IRAG1: variants seen among roughly 807,000 people sequenced by gnomAD.
The protein encoded by IRAG1 is IP3R-associated cGMP kinase substrate.
In IRAG1, 62 loss-of-function variants were observed where a neutral mutation model predicts 106.2. The ratio of observed to expected loss-of-function variants is 0.58; its 90% CI spans 0.48 to 0.72. The LOEUF is 0.72. Among genes scored for constraint, IRAG1 ranks in the 30% least tolerant of loss-of-function variants. The pLI is 0.00. For missense variants in IRAG1, 1,064 were observed against 1,140.7 expected (o/e 0.93, Z 0.97); for synonymous variants, 462 against 443.9 (o/e 1.04, Z -0.51).
At chr11:10,613,015 T>A (rs939140088) in intron 10 of IRAG1, among the ~76,000 whole-genome samples, 1 of 151,990 alleles carries the variant, frequency 6.6e-6, no homozygotes, top group African/African-American at 2.4e-5. Context: ...GATTGAGTAA[T>A]CATAACGAAT....
rs1444781519 is a variant in IRAG1, at chr11:10,652,109, G to C, written c.141C>G (p.Ser47=). 4.3e-6 allele frequency: 7 copies of C among 1,610,156 alleles called. No homozygotes were observed. The highest frequency in any genetic ancestry group is 5.9e-6 in the Non-Finnish European group (7 of 1,178,522). ...TGTGGGGCATGGCAGCCTCCTGCTG[G>C]GAGTGGCCACGTGTGCCCGGAACCT... The part of the protein sequence containing the change: ...AAEVPGTRGH[S]QQEAAMPHIP... The change falls in exon 2 of 21, where the codon TCC becomes TCG. Residue 47 remains serine (S), a synonymous_variant. Coordinates refer to ENST00000423302, the MANE Select transcript of IRAG1 (RefSeq NM_130385.4).
chr11:10,582,868 A>G (rs1201277218), intron 18 of IRAG1, among the ~76,000 whole-genome samples: 2 of 152,196 alleles, frequency 1.3e-5, no homozygotes, highest in Non-Finnish European at 2.9e-5. Context: ...AGGCAAGAGA[A>G]TCGCTTGAGC....
intron 9 of IRAG1, among the ~76,000 whole-genome samples, chr11:10,625,443 G>A (rs575477018): frequency 6.6e-6 from 1 of 152,326 alleles, no homozygotes; most frequent in South Asian, 2.1e-4. Flanking sequence ...GGGACACCAT[G>A]GGCACTGGAA....
At chr11:10,690,403 A>G in intron 1 of IRAG1, 5 of 1,286,488 alleles carry the variant, frequency 3.9e-6, no homozygotes, top group Non-Finnish European at 5.1e-6. Context: ...TGTCCGACCA[A>G]CTGTCCTCTG....
intron 18 of IRAG1, among the ~76,000 whole-genome samples, chr11:10,588,353 TG>T (rs1376351224): frequency 1.3e-5 from 2 of 152,134 alleles, no homozygotes; most frequent in Admixed American, 6.5e-5. Flanking sequence ...TTTTTTTTTT[TG>T]TTTTTTGAGA....
At chr11:10,631,928 G>T in intron 4 of IRAG1, 63 bp downstream of exon 4, 1 of 1,430,238 alleles carries the variant, frequency 7.0e-7, no homozygotes, top group South Asian at 1.2e-5. Flanking sequence ...AAGGAGTCAA[G>T]CCCAGCCACG....
intron 15 of IRAG1, among the ~76,000 whole-genome samples, chr11:10,598,198 G>A (rs1853548700): frequency 6.6e-6 from 1 of 152,218 alleles, no homozygotes; most frequent in Non-Finnish European, 1.5e-5. Context: ...AAGTGCAAAA[G>A]CTCAGCTCCC....
chr11:10,645,442 C>T (rs1857866010), intron 2 of IRAG1, among the ~76,000 whole-genome samples: 1 of 152,250 alleles, frequency 6.6e-6, no homozygotes, highest in Non-Finnish European at 1.5e-5. Flanking sequence ...ATAGTCATCA[C>T]TACCATGTAC....
chr11:10,633,841 C>A, intron 3 of IRAG1, 127 bp downstream of exon 3: 2 of 525,284 alleles, frequency 3.8e-6, no homozygotes, highest in South Asian at 8.5e-5. Flanking sequence ...TGAAAAACTG[C>A]TTGATTATAG....
intron 2 of IRAG1, among the ~76,000 whole-genome samples, chr11:10,635,186 T>C (rs940764147): frequency 3.3e-5 from 5 of 152,166 alleles, no homozygotes; most frequent in African/African-American, 7.2e-5. Flanking sequence ...GACATTTCAG[T>C]GATCGTAATT....
intron 10 of IRAG1, among the ~76,000 whole-genome samples, chr11:10,614,461 C>T (rs780300197): frequency 2.0e-5 from 3 of 152,064 alleles, no homozygotes; most frequent in Non-Finnish European, 2.9e-5. Flanking sequence ...CATGTGGAAC[C>T]GAAAAAGAGC....
chr11:10,603,467 A>G (rs1854205134), intron 13 of IRAG1, among the ~76,000 whole-genome samples: 1 of 152,100 alleles, frequency 6.6e-6, no homozygotes, highest in African/African-American at 2.4e-5. Flanking sequence ...ACAGTTTACA[A>G]TAGGGTTCGT....
chr11:10,626,170 CG>C lies in IRAG1; in HGVS notation c.1163del (p.Pro388ArgfsTer64). 6.5e-7 allele frequency: 1 copy of C among 1,542,742 alleles called. No homozygotes were observed. The highest frequency in any genetic ancestry group is 8.7e-7 in the Non-Finnish European group (1 of 1,144,172). On this transcript the variant is annotated frameshift_variant, in exon 9 of 21. Transcript: ENST00000423302. LOFTEE classifies it high-confidence loss of function. ...TGTCCCAGGAGAGCCCTCGCAGCAG[CG>C]GGGGCCGGGACACAGTGGGTGGAAG... The part of the protein sequence containing the change: ...AELPPTVSRP[P>X]LLRGLSWDSG...
intron 1 of IRAG1, among the ~76,000 whole-genome samples, chr11:10,676,779 T>C (rs576245325): frequency 6.6e-6 from 1 of 152,344 alleles, no homozygotes; most frequent in East Asian, 1.9e-4. Context: ...ATTCTGCTAA[T>C]TTGCTAATCT....
Position 10,693,706 on chromosome 11 carries a change from C to A in IRAG1, c.-104G>T. On this transcript the variant is annotated 5_prime_UTR_variant, in exon 1 of 21. Transcript: ENST00000423302. ...TCTGAGAGGGGCTGGGACTTAGAGC[C>A]GAGAGCTCCTCTGGGAGCCCCACTC... The A allele has an allele frequency of 7.4e-7, 1 of 1,347,288 alleles. No individual in the cohort carries two copies. The highest frequency in any genetic ancestry group is 1.0e-6 in the Non-Finnish European group (1 of 986,686). The allele number at this position is 1,347,288 out of a possible 1,614,324, so 83.5% of individuals were successfully genotyped here.
chr11:10,581,780 A>G (rs1160984180), intron 19 of IRAG1, 87 bp downstream of exon 19: 2 of 1,514,400 alleles, frequency 1.3e-6, no homozygotes, highest in Non-Finnish European at 1.8e-6. Flanking sequence ...TTACTTCCCT[A>G]AAGCCTCTAA....
intron 10 of IRAG1, 100 bp from the exon 11 acceptor site, chr11:10,609,951 C>G: frequency 4.3e-6 from 5 of 1,166,854 alleles, no homozygotes; most frequent in Non-Finnish European, 6.0e-6. Flanking sequence ...GTATCTAGTT[C>G]TATGTTAAGG....
At chr11:10,693,478 G>A (rs1862221692) in intron 1 of IRAG1, 58 bp downstream of exon 1, 1 of 1,534,066 alleles carries the variant, frequency 6.5e-7, no homozygotes, top group Non-Finnish European at 8.7e-7. Context: ...GGAAGAGAAG[G>A]TTCCCTCCGC....
chr11:10,620,444 A>G (rs1261204853), intron 10 of IRAG1, among the ~76,000 whole-genome samples: 1 of 152,188 alleles, frequency 6.6e-6, no homozygotes, highest in African/African-American at 2.4e-5. Flanking sequence ...TTACCAACAA[A>G]AACCAAACAA....
Sources: allele counts gnomAD v4.1 joint callset (sites outside exome capture counted in the v4.1 genomes callset), GRCh38; gene constraint gnomAD v4.1.1; transcripts MANE v1.5; gene names NCBI Gene and HGNC (gene_info 2026-07-23, HGNC 2026-07-21).